EEFSEC: variants seen among roughly 807,000 people sequenced by gnomAD.
EEFSEC encodes the protein eukaryotic elongation factor, selenocysteine-tRNA specific.
Under a neutral mutation model 42.1 loss-of-function variants are expected in EEFSEC, and 43 were observed. The ratio of observed to expected loss-of-function variants is 1.02; its 90% CI spans 0.80 to 1.32. EEFSEC has a LOEUF of 1.32. Ranked by LOEUF, EEFSEC falls within the 40% of genes most tolerant of loss-of-function variation. EEFSEC has a pLI of 0.00. For synonymous variants in EEFSEC, 354 were observed against 339.1 expected (o/e 1.04, Z -0.48); for missense variants, 745 against 803.6 (o/e 0.93, Z 0.88).
At chr3:128,272,911 G>A (rs1389696772) in intron 4 of EEFSEC, among the ~76,000 whole-genome samples, 1 of 152,152 alleles carries the variant, frequency 6.6e-6, no homozygotes, top group South Asian at 2.1e-4. Flanking sequence ...GTGCTTCCCA[G>A]TGTCCACACC....
At chr3:128,194,492 A>G (rs2065560747) in intron 1 of EEFSEC, among the ~76,000 whole-genome samples, 1 of 152,178 alleles carries the variant, frequency 6.6e-6, no homozygotes, top group Non-Finnish European at 1.5e-5. Flanking sequence ...TCAGGGAACT[A>G]ATTCTGGGAA....
chr3:128,331,931 CATCCAGAT>C (rs1318333786), intron 4 of EEFSEC, among the ~76,000 whole-genome samples: 1 of 152,056 alleles, frequency 6.6e-6, no homozygotes, highest in Non-Finnish European at 1.5e-5. Context: ...CACAGTTTCT[CATCCAGAT>C]ATCTATGCTA....
At chr3:128,408,928 G>A (rs1228364384), downstream of EEFSEC, among the ~76,000 whole-genome samples, 1 of 152,184 alleles carries the variant, frequency 6.6e-6, no homozygotes, top group Admixed American at 6.5e-5. Flanking sequence ...CAGGGTGCCT[G>A]GCCAGAGCAT....
At chr3:128,180,873 A>G (rs1403052003) in intron 1 of EEFSEC, among the ~76,000 whole-genome samples, 1 of 152,260 alleles carries the variant, frequency 6.6e-6, no homozygotes, top group Non-Finnish European at 1.5e-5. Context: ...ATTTAAAAAA[A>G]GGGGGCTAAT....
intron 1 of EEFSEC, among the ~76,000 whole-genome samples, chr3:128,185,534 CT>C (rs1416055525): frequency 6.6e-6 from 1 of 151,754 alleles, no homozygotes; most frequent in African/African-American, 2.4e-5. Context: ...ACTTTATGAC[CT>C]TTCGTGTCTG....
intron 4 of EEFSEC, among the ~76,000 whole-genome samples, chr3:128,296,563 T>A (rs2066708132): frequency 6.6e-6 from 1 of 152,162 alleles, no homozygotes; most frequent in African/African-American, 2.4e-5. Flanking sequence ...TGCACAGACC[T>A]GCAGGGCCTG....
rs1008555610 is a variant in EEFSEC at position 128,260,265 on chromosome 3, C to T, written c.525-1863C>T. ...TGTACATGAGTTCAGTCGCTTCTTTCTTGATGGCTTCAAGATTCTCTTTGT... is the reference window on the plus strand; with the variant it reads ...TGTACATGAGTTCAGTCGCTTCTTTTTTGATGGCTTCAAGATTCTCTTTGT... On this transcript the variant is annotated intron_variant, in intron 2 of 6. Coordinates refer to ENST00000254730, the MANE Select transcript of EEFSEC (RefSeq NM_021937.5). Among the ~76,000 whole-genome samples the T allele has an allele frequency of 3.9e-5, 6 of 152,282 alleles. No homozygotes were observed. In the South Asian group the frequency reaches 1.0e-3, roughly 26 times the overall value.
At chr3:128,193,832 A>G (rs541948271) in intron 1 of EEFSEC, among the ~76,000 whole-genome samples, 8 of 152,144 alleles carry the variant, frequency 5.3e-5, no homozygotes, top group Non-Finnish European at 1.2e-4. Flanking sequence ...CTCCCTCCAG[A>G]GGAGGAGGGA....
chr3:128,261,621 G>A (rs1194919484), intron 2 of EEFSEC, among the ~76,000 whole-genome samples: 2 of 134,984 alleles, frequency 1.5e-5, no homozygotes, highest in Non-Finnish European at 3.1e-5. Context: ...TGTCCACACA[G>A]AATAAGTATG....
chr3:128,328,591 C>A (rs557142683), intron 4 of EEFSEC, among the ~76,000 whole-genome samples: 52 of 152,280 alleles, frequency 3.4e-4, no homozygotes, highest in Non-Finnish European at 5.7e-4. Flanking sequence ...AAATTATGAG[C>A]AAAAGAATAA....
chr3:128,205,460 T>C (rs2065687976), intron 1 of EEFSEC, among the ~76,000 whole-genome samples: 3 of 152,002 alleles, frequency 2.0e-5, no homozygotes, highest in Admixed American at 2.0e-4. Flanking sequence ...AGTCCCAGGG[T>C]GATGAGGGTG....
chr3:128,163,899 C>T (rs1412684845), intron 1 of EEFSEC, among the ~76,000 whole-genome samples: 7 of 147,958 alleles, frequency 4.7e-5, no homozygotes, highest in Admixed American at 2.0e-4. Context: ...CCTCCCAAAG[C>T]GAGCATATGC....
At chr3:128,291,393 A>C (rs2066642318) in intron 4 of EEFSEC, among the ~76,000 whole-genome samples, 1 of 152,156 alleles carries the variant, frequency 6.6e-6, no homozygotes, top group Non-Finnish European at 1.5e-5. Flanking sequence ...TCATGAATAG[A>C]CTAATACTGT....
At chr3:128,227,437 T>G (rs2065919658) in intron 1 of EEFSEC, among the ~76,000 whole-genome samples, 1 of 152,146 alleles carries the variant, frequency 6.6e-6, no homozygotes, top group African/African-American at 2.4e-5. Flanking sequence ...CTGATGGGTT[T>G]GAGTCAGGGC....
At chr3:128,344,931 T>A (rs573018622) in intron 5 of EEFSEC, among the ~76,000 whole-genome samples, 45 of 152,368 alleles carry the variant, frequency 3.0e-4, no homozygotes, top group African/African-American at 9.4e-4. Context: ...CCTGAGTGAT[T>A]GGCTGAGTTT....
At chr3:128,354,184 C>T (rs951252109) in intron 5 of EEFSEC, among the ~76,000 whole-genome samples, 2 of 152,130 alleles carry the variant, frequency 1.3e-5, no homozygotes, top group African/African-American at 4.8e-5. Flanking sequence ...CGTCCAGCTC[C>T]TGCCCTCACG....
At chr3:128,265,379 C>T (rs2066343654) in intron 4 of EEFSEC, among the ~76,000 whole-genome samples, 1 of 152,196 alleles carries the variant, frequency 6.6e-6, no homozygotes, top group African/African-American at 2.4e-5. Context: ...CCCATCACCC[C>T]TCCTTCTACT....
At chr3:128,387,480 G>A (rs1225831296) in intron 6 of EEFSEC, among the ~76,000 whole-genome samples, 1 of 152,176 alleles carries the variant, frequency 6.6e-6, no homozygotes, top group African/African-American at 2.4e-5. Context: ...AGTCTGGGGG[G>A]CGTCGAAGAG....
intron 6 of EEFSEC, among the ~76,000 whole-genome samples, chr3:128,358,847 G>A (rs1475491649): frequency 6.6e-6 from 1 of 152,162 alleles, no homozygotes; most frequent in Non-Finnish European, 1.5e-5. Context: ...AGTTTGTGCT[G>A]GGGCCTCTCC....
Sources: allele counts gnomAD v4.1 joint callset (sites outside exome capture counted in the v4.1 genomes callset), GRCh38; gene constraint gnomAD v4.1.1; transcripts MANE v1.5; gene names NCBI Gene and HGNC (gene_info 2026-07-23, HGNC 2026-07-21).